The following BCAS3 variants were observed in gnomAD, a reference collection of about 807,000 sequenced individuals.
The protein encoded by BCAS3 is BCAS4/BCAS3 fusion.
A neutral mutation model predicts 116.1 loss-of-function variants in BCAS3; 53 were observed. The ratio of observed to expected loss-of-function variants is 0.46; its 90% confidence interval spans 0.37 to 0.57. The LOEUF (loss-of-function observed/expected upper bound fraction) is 0.57. BCAS3 is among the 20% of genes least tolerant of loss of function. The pLI is 0.00. For synonymous variants in BCAS3, 391 were observed against 408.2 expected (o/e 0.96, Z 0.51); for missense variants, 917 against 1,165.4 (o/e 0.79, Z 3.10).
intron 14 of BCAS3, among the ~76,000 whole-genome samples, chr17:60,983,637 A>G (rs1476839372): frequency 2.0e-5 from 3 of 152,126 alleles, no homozygotes; most frequent in Non-Finnish European, 4.4e-5. Context: ...CACCACCTCT[A>G]TATCCTGAGT....
chr17:61,040,991 C>A, intron 19 of BCAS3, 99 bp downstream of exon 19: 2 of 956,720 alleles, frequency 2.1e-6, no homozygotes, highest in Non-Finnish European at 3.3e-6. Flanking sequence ...GGTCCATAGG[C>A]CATGGGCCTT....
chr17:61,262,426 G>A (rs2049288854), intron 22 of BCAS3, among the ~76,000 whole-genome samples: 1 of 151,224 alleles, frequency 6.6e-6, no homozygotes, highest in Non-Finnish European at 1.5e-5. Context: ...TTTCGCCCAG[G>A]CTGTAGTGTA....
At chr17:60,712,694 C>T (rs1466428390) in intron 5 of BCAS3, among the ~76,000 whole-genome samples, 1 of 152,276 alleles carries the variant, frequency 6.6e-6, no homozygotes, top group East Asian at 1.9e-4. Context: ...ATTATCCCCT[C>T]TCCCTCTGAA....
chr17:61,287,768 A>G (rs965369491), intron 22 of BCAS3, among the ~76,000 whole-genome samples: 1 of 152,172 alleles, frequency 6.6e-6, no homozygotes. Flanking sequence ...ACAAGCCAAA[A>G]AAGTACACTT....
At position 61,171,842 on chromosome 17, in the gene BCAS3, G is replaced by T. The variant is rs185962858; in HGVS notation, c.2425+87278G>T. ...GAAATGGAGTCTCACTGTGTTGTTCGGGCTGTTCTTGAACTTCTGGAATTA... is the reference window on the plus strand; with the variant it reads ...GAAATGGAGTCTCACTGTGTTGTTCTGGCTGTTCTTGAACTTCTGGAATTA... On this transcript the variant is annotated intron_variant, in intron 22 of 23. Coordinates refer to ENST00000407086, the MANE Select transcript of BCAS3 (RefSeq NM_017679.5). The surrounding 1 kb of genome is among the most constrained non-coding windows in gnomAD (Gnocchi z 4.1). Among the ~76,000 whole-genome samples, 3 of 149,896 alleles carry T rather than the reference G, an allele frequency of 2.0e-5. No individual in the cohort carries two copies. The highest frequency in any genetic ancestry group is 4.4e-5 in the Non-Finnish European group (3 of 67,558).
At chr17:60,771,645 G>A (rs1020163750) in intron 6 of BCAS3, among the ~76,000 whole-genome samples, 1 of 152,000 alleles carries the variant, frequency 6.6e-6, no homozygotes, top group African/African-American at 2.4e-5. Flanking sequence ...TTGGTGTGCT[G>A]CACCCATTAA....
chr17:60,849,620 C>G (rs924489591), intron 7 of BCAS3, among the ~76,000 whole-genome samples: 1 of 152,184 alleles, frequency 6.6e-6, no homozygotes, highest in Non-Finnish European at 1.5e-5. Flanking sequence ...TCAGGTTCAA[C>G]AGCAAGTGGT....
chr17:60,755,756 C>A (rs2042935711), intron 6 of BCAS3, among the ~76,000 whole-genome samples: 1 of 152,140 alleles, frequency 6.6e-6, no homozygotes, highest in South Asian at 2.1e-4. Flanking sequence ...CTTATTTAAG[C>A]AACCTTAACA....
intron 5 of BCAS3, among the ~76,000 whole-genome samples, chr17:60,733,235 A>C (rs993192374): frequency 6.6e-6 from 1 of 152,170 alleles, no homozygotes; most frequent in Non-Finnish European, 1.5e-5. Flanking sequence ...AGCATAGTCC[A>C]TTTTCTTTTC....
chr17:60,902,861 A>G (rs2057985912), intron 11 of BCAS3, among the ~76,000 whole-genome samples, 158 bp downstream of exon 11: 1 of 152,194 alleles, frequency 6.6e-6, no homozygotes, highest in African/African-American at 2.4e-5. Context: ...CTGTTACCTA[A>G]TTAATACCAC....
chr17:60,766,359 C>A (rs2044093166), intron 6 of BCAS3, among the ~76,000 whole-genome samples: 1 of 152,066 alleles, frequency 6.6e-6, no homozygotes, highest in South Asian at 2.1e-4. Context: ...TGATGGTGAC[C>A]TACAGATGGG....
chr17:61,193,531 G>T (rs539248764), intron 22 of BCAS3, among the ~76,000 whole-genome samples: 20 of 152,054 alleles, frequency 1.3e-4, no homozygotes, highest in African/African-American at 4.8e-4. Context: ...GCCGAGATGG[G>T]TGGATCACCT....
chr17:60,725,789 A>T (rs2039764397), intron 5 of BCAS3, among the ~76,000 whole-genome samples: 1 of 152,224 alleles, frequency 6.6e-6, no homozygotes, highest in Non-Finnish European at 1.5e-5. Context: ...AGGTATGAAT[A>T]CAGTGCTGTA....
At chr17:60,972,589 A>G (rs1266117458) in intron 14 of BCAS3, among the ~76,000 whole-genome samples, 8 of 151,812 alleles carry the variant, frequency 5.3e-5, no homozygotes, top group Non-Finnish European at 1.2e-4. Flanking sequence ...CTGGGACTAC[A>G]TACAGTTGCA....
Position 60,816,299 on chromosome 17 carries a change from G to A in BCAS3, c.476+8223G>A, listed in dbSNP as rs1407873150. Among the ~76,000 whole-genome samples, 43 of 134,532 alleles carry A rather than the reference G, an allele frequency of 3.2e-4. 1 individual carries two copies. The highest frequency in any genetic ancestry group is 1.1e-3 in the African/African-American group (36 of 31,616). The allele number at this position is 134,532 out of a possible 152,430, so 88.3% of individuals were successfully genotyped here. ...CTTTTCTTTTTTTTTTTTTTGAGAC[G>A]GAGTCTTGCTCTGTCGCCAGACTGG... On this transcript the variant is annotated intron_variant, in intron 7 of 23. Coordinates refer to ENST00000407086, the MANE Select transcript of BCAS3 (RefSeq NM_017679.5).
chr17:61,041,539 G>T lies in BCAS3; in HGVS notation c.2029+647G>T, dbSNP rs894573244. The stretch of plus-strand genomic sequence containing the variant: ...TTTACAATTATAATTCAGTTTTGTA[G>T]ATATAGACAGAATCCTTAATTTAAT... On this transcript the variant is annotated intron_variant, in intron 19 of 23. Coordinates refer to ENST00000407086, the MANE Select transcript of BCAS3 (RefSeq NM_017679.5). The surrounding 1 kb of genome is among the most constrained non-coding windows in gnomAD (Gnocchi z 4.7). Among the ~76,000 whole-genome samples the T allele has an allele frequency of 5.3e-5, 8 of 151,972 alleles. No homozygotes were observed. The highest frequency in any genetic ancestry group is 1.9e-4 in the African/African-American group (8 of 41,426).
intron 5 of BCAS3, among the ~76,000 whole-genome samples, chr17:60,732,146 G>A (rs2040519985): frequency 6.6e-6 from 1 of 152,024 alleles, no homozygotes; most frequent in Non-Finnish European, 1.5e-5. Context: ...AGCTTATATT[G>A]ACACATTATT....
rs545973299 is a variant in BCAS3 at position 61,293,311 on chromosome 17, T to C, written c.2426-75016T>C. Among the ~76,000 whole-genome samples the C allele has an allele frequency of 1.1e-4, 16 of 152,282 alleles. No homozygotes were observed. In the South Asian group the frequency reaches 3.1e-3, roughly 30 times the overall value. On this transcript the variant is annotated intron_variant, in intron 22 of 23. Coordinates refer to ENST00000407086, the MANE Select transcript of BCAS3 (RefSeq NM_017679.5). The stretch of plus-strand genomic sequence containing the variant: ...TCGTGCAGGTTGGAAATCTCACTTA[T>C]AGCTTGAGAAAATCCTCCTGCCCCT...
chr17:60,818,870 C>T (rs1015444949), intron 7 of BCAS3, among the ~76,000 whole-genome samples: 3 of 152,060 alleles, frequency 2.0e-5, no homozygotes, highest in African/African-American at 4.8e-5. Context: ...GGCATAGAGA[C>T]GTTTTTAATG....
Sources: gnomAD v4.1 joint callset for allele counts (sites outside exome capture counted in the v4.1 genomes callset) on GRCh38, gnomAD v4.1.1 for gene constraint, Gnocchi (gnomAD v3.1) non-coding constraint, MANE v1.5 for transcripts, NCBI Gene and HGNC (gene_info 2026-07-23, HGNC 2026-07-21) for gene names.